Variants in CFAP299 observed in about 807,000 individuals in gnomAD.
CFAP299 encodes the protein cilia and flagella associated protein 299.
CFAP299 carries 21 observed loss-of-function variants against 27.0 expected under a neutral mutation model. The ratio of observed to expected loss-of-function variants is 0.78; its 90% CI spans 0.55 to 1.12. The LOEUF is 1.12. Ranked by LOEUF, CFAP299 falls within the 50% of genes most tolerant of loss-of-function variation. CFAP299 has a pLI of 0.00. For missense variants in CFAP299, 310 were observed against 276.6 expected, an observed-to-expected ratio of 1.12 and a Z score of -0.86; for synonymous variants, 104 against 98.1, an observed-to-expected ratio of 1.06 and a Z score of -0.36.
intron 3 of CFAP299, among the ~76,000 whole-genome samples, chr4:80,763,736 T>A (rs897396324): frequency 2.6e-5 from 4 of 152,176 alleles, no homozygotes. Context: ...CAAAACAGCA[T>A]GGTACTGGTA....
intron 4 of CFAP299, among the ~76,000 whole-genome samples, chr4:80,877,777 A>T (rs78851401): frequency 0.09 from 13,742 of 151,950 alleles, 670 homozygotes; most frequent in Middle Eastern, 0.17. Context: ...TTTATTATTA[A>T]TTTTTTTTAA....
chr4:80,387,607 G>A, intron 2 of CFAP299: 1 of 1,275,466 alleles, frequency 7.8e-7, no homozygotes, highest in Non-Finnish European at 1.1e-6. Flanking sequence ...AGAGTTTCGA[G>A]ACACAGTGCC....
chr4:80,551,830 C>A (rs1734529237), intron 2 of CFAP299, among the ~76,000 whole-genome samples: 1 of 151,946 alleles, frequency 6.6e-6, no homozygotes, highest in Non-Finnish European at 1.5e-5. Flanking sequence ...TCACTGCAAC[C>A]TCCGCCTCCC....
intron 4 of CFAP299, among the ~76,000 whole-genome samples, chr4:80,941,349 T>A (rs576098713): frequency 1.1e-4 from 17 of 152,296 alleles, no homozygotes; most frequent in African/African-American, 4.1e-4. Flanking sequence ...TTGCCATGGA[T>A]CTCAGTTTAA....
chr4:80,732,621 T>C (rs555431921), intron 3 of CFAP299, among the ~76,000 whole-genome samples: 1 of 152,298 alleles, frequency 6.6e-6, no homozygotes, highest in South Asian at 2.1e-4. Context: ...CTCTTCTCTC[T>C]TCAAGATCAG....
chr4:80,963,371 T>C (rs1048846253), intron 5 of CFAP299, 146 bp from the exon 6 acceptor site: 2 of 593,240 alleles, frequency 3.4e-6, no homozygotes, highest in African/African-American at 1.9e-5. Flanking sequence ...AGAAAAAGAC[T>C]AGGGGGAAAA....
chr4:80,744,233 A>G (rs1578083114), intron 3 of CFAP299, among the ~76,000 whole-genome samples: 2 of 152,246 alleles, frequency 1.3e-5, no homozygotes, highest in African/African-American at 4.8e-5. Flanking sequence ...AACTTAACAG[A>G]TGTGCTGCCA....
At chr4:80,910,151 G>A (rs1735394853) in intron 4 of CFAP299, among the ~76,000 whole-genome samples, 1 of 152,080 alleles carries the variant, frequency 6.6e-6, no homozygotes, top group Non-Finnish European at 1.5e-5. Flanking sequence ...TGATATAAAT[G>A]ATTAACTTTA....
intron 2 of CFAP299, among the ~76,000 whole-genome samples, chr4:80,522,326 CTT>C (rs1473128521): frequency 6.6e-6 from 1 of 151,808 alleles, no homozygotes; most frequent in Non-Finnish European, 1.5e-5. Flanking sequence ...TTCTTTACCC[CTT>C]TGCGCATTTT....
At chr4:80,633,635 G>A (rs1184891692) in intron 3 of CFAP299, among the ~76,000 whole-genome samples, 2 of 152,050 alleles carry the variant, frequency 1.3e-5, no homozygotes, top group Non-Finnish European at 2.9e-5. Context: ...GTTTAGATAT[G>A]GCAAAATACT....
intron 4 of CFAP299, among the ~76,000 whole-genome samples, chr4:80,933,269 G>A (rs960621967): frequency 2.7e-5 from 4 of 150,784 alleles, no homozygotes; most frequent in African/African-American, 9.8e-5. Context: ...CACCAATCAC[G>A]TATTCATCCC....
At chr4:80,516,653 C>T (rs780777608) in intron 2 of CFAP299, among the ~76,000 whole-genome samples, 2 of 152,104 alleles carry the variant, frequency 1.3e-5, no homozygotes, top group African/African-American at 2.4e-5. Context: ...CAATCACCTT[C>T]CACCAGGCCC....
intron 4 of CFAP299, among the ~76,000 whole-genome samples, chr4:80,942,328 G>A (rs75172453): frequency 0.022 from 3,322 of 152,096 alleles, 126 homozygotes; most frequent in East Asian, 0.15. Flanking sequence ...CTTTAACGTT[G>A]GAATCCAAGT....
intron 2 of CFAP299, among the ~76,000 whole-genome samples, chr4:80,455,850 G>T (rs778822542): frequency 6.6e-6 from 1 of 151,912 alleles, no homozygotes; most frequent in Admixed American, 6.6e-5. Context: ...CTGTATATCT[G>T]TCATTAAGCA....
At chr4:80,578,196 A>G (rs1735968494) in intron 2 of CFAP299, among the ~76,000 whole-genome samples, 1 of 152,188 alleles carries the variant, frequency 6.6e-6, no homozygotes, top group Non-Finnish European at 1.5e-5. Flanking sequence ...TCACTTCTTG[A>G]GGAAGTAACT....
intron 3 of CFAP299, among the ~76,000 whole-genome samples, chr4:80,651,463 T>C (rs1004405283): frequency 4.6e-5 from 7 of 151,494 alleles, no homozygotes; most frequent in African/African-American, 1.7e-4. Flanking sequence ...CCTCCTGGGT[T>C]TAAGTGATCC....
intron 3 of CFAP299, among the ~76,000 whole-genome samples, chr4:80,834,405 A>G (rs766491349): frequency 6.6e-6 from 1 of 152,182 alleles, no homozygotes; most frequent in Admixed American, 6.5e-5. Context: ...GGAACATAAT[A>G]AACTCTTGAT....
chr4:80,779,202 C>A (rs975718653), intron 3 of CFAP299, among the ~76,000 whole-genome samples: 1 of 152,082 alleles, frequency 6.6e-6, no homozygotes, highest in Non-Finnish European at 1.5e-5. Context: ...TCTGATCCAG[C>A]GTCTGTGCTC....
At chr4:80,928,295 A>G (rs1054974632) in intron 4 of CFAP299, among the ~76,000 whole-genome samples, 6 of 152,030 alleles carry the variant, frequency 3.9e-5, no homozygotes, top group African/African-American at 1.4e-4. Context: ...TATCTCTCAC[A>G]ACAAACCTAT....
Sources: gnomAD v4.1 joint callset for allele counts (sites outside exome capture counted in the v4.1 genomes callset) on GRCh38, gnomAD v4.1.1 for gene constraint, MANE v1.5 for transcripts, NCBI Gene and HGNC (gene_info 2026-07-23, HGNC 2026-07-21) for gene names.